SHROOM2: variants seen among roughly 807,000 people sequenced by gnomAD.
SHROOM2 encodes the protein protein Shroom2.
SHROOM2 carries 33 observed loss-of-function variants against 75.9 expected under a neutral mutation model. The observed-to-expected ratio is 0.43, with a 90% CI of 0.33 to 0.58. The LOEUF (loss-of-function observed/expected upper bound fraction) is 0.58, where lower values mean the gene tolerates loss of function less well. SHROOM2 is among the 20% of genes least tolerant of loss of function. The pLI is 0.04. For missense variants in SHROOM2, 1,434 were observed against 1,461.2 expected, an observed-to-expected ratio of 0.98 and a Z score of 0.30; for synonymous variants, 655 against 663.6, an observed-to-expected ratio of 0.99 and a Z score of 0.20.
chrX:9,808,022 C>G (rs2083765231), intron 1 of SHROOM2, among the ~76,000 whole-genome samples: 1 of 111,897 alleles, frequency 8.9e-6, no homozygotes, highest in Admixed American at 9.5e-5. Context: ...AAGCCCAGGC[C>G]TGGCACCGCA....
At chrX:9,899,092 A>G (rs2084351159) in intron 5 of SHROOM2, among the ~76,000 whole-genome samples, 1 of 109,299 alleles carries the variant, frequency 9.1e-6, no homozygotes, top group Admixed American at 9.8e-5. Context: ...AAAAATAGAA[A>G]AAAAAAAATT....
chrX:9,892,922 G>C (rs950764901), intron 3 of SHROOM2, among the ~76,000 whole-genome samples: 3 of 112,049 alleles, frequency 2.7e-5, no homozygotes, highest in African/African-American at 9.7e-5. Context: ...TCACCATTGA[G>C]AGCTCTCAGT....
chrX:9,858,500 T>A (rs2146783341), intron 1 of SHROOM2, among the ~76,000 whole-genome samples: 1 of 112,755 alleles, frequency 8.9e-6, no homozygotes, highest in East Asian at 2.8e-4. Context: ...TGTGATGACT[T>A]GCTTTCAAAA....
intron 1 of SHROOM2, among the ~76,000 whole-genome samples, chrX:9,838,644 A>G (rs918634979): frequency 8.9e-6 from 1 of 111,905 alleles, no homozygotes; most frequent in Non-Finnish European, 1.9e-5. Context: ...CTTCATCCAG[A>G]CACCCGAGTT....
At chrX:9,936,594 G>A (rs1017979003) in intron 6 of SHROOM2, among the ~76,000 whole-genome samples, 1 of 111,349 alleles carries the variant, frequency 9.0e-6, no homozygotes, top group Non-Finnish European at 1.9e-5. Flanking sequence ...TGGCACAGGA[G>A]GTTCTCCCAA....
intron 1 of SHROOM2, among the ~76,000 whole-genome samples, chrX:9,864,912 C>G (rs1269538787): frequency 8.9e-6 from 1 of 111,883 alleles, no homozygotes; most frequent in Non-Finnish European, 1.9e-5. Context: ...TCTTGGGAGG[C>G]TGAGGCAGGA....
chrX:9,865,554 C>CTTTTTTT (rs56790591), intron 1 of SHROOM2: 2 of 42,654 alleles, frequency 4.7e-5, no homozygotes, highest in African/African-American at 2.1e-4. Flanking sequence ...TTCCTGCTGC[C>CTTTTTTT]TTTTTTTTTT....
At chrX:9,828,827 A>G (rs1463520653) in intron 1 of SHROOM2, among the ~76,000 whole-genome samples, 1 of 111,606 alleles carries the variant, frequency 9.0e-6, no homozygotes, top group African/African-American at 3.3e-5. Context: ...ACGAATGGCA[A>G]AGCAACGGTT....
At position 9,786,602 on chromosome X, in the gene SHROOM2, G is replaced by A; in HGVS notation, c.57G>A (p.Arg19=). 3.4e-6 allele frequency: 3 copies of A among 875,010 alleles called. No individual in the cohort carries two copies. The East Asian group carries it at 1.7e-4, about 50-fold the overall frequency. 72.1% of individuals were successfully genotyped at this position (875,010 alleles called of 1,213,427 possible). A position where few individuals can be genotyped will look rare whatever the true frequency, so the allele number is the denominator to read the frequency against. The change falls in exon 1 of 10, where the codon CGG becomes CGA. Residue 19 remains arginine, a synonymous_variant. Transcript: ENST00000380913. ...RPERLAEAET[R]AADGGRLVEV... is the part of the protein sequence containing the mutation. ...AGCGCCTGGCCGAGGCCGAGACGCGGGCGGCGGACGGCGGGCGCCTGGTGG... is the reference window on the plus strand; with the variant it reads ...AGCGCCTGGCCGAGGCCGAGACGCGAGCGGCGGACGGCGGGCGCCTGGTGG...
At position 9,786,429 on chromosome X, in the gene SHROOM2, A is replaced by C; in HGVS notation, c.-117A>C. ...GGGCTCCCTCCGCCGCCGGGCCGGC[A>C]CTTTCTTTCCAAGTTACGGCGCAAG... On this transcript the variant is annotated 5_prime_UTR_variant, in exon 1 of 10. Coordinates refer to ENST00000380913, the MANE Select transcript of SHROOM2 (RefSeq NM_001649.4). 1.8e-6 allele frequency: 1 copy of C among 544,223 alleles called. No homozygotes were observed. Among genetic ancestry groups the C allele is most frequent in the Non-Finnish European group, 2.3e-6 (1 of 441,817 alleles). The allele number at this position is 544,223 out of a possible 1,213,427, so 44.9% of individuals were successfully genotyped here.
chrX:9,907,088 C>G (rs2084396001), intron 5 of SHROOM2, among the ~76,000 whole-genome samples: 1 of 111,305 alleles, frequency 9.0e-6, no homozygotes. Context: ...CCGGACCCAG[C>G]AGCCACAGGG....
intron 6 of SHROOM2, among the ~76,000 whole-genome samples, chrX:9,935,849 G>A (rs190435911): frequency 1.7e-4 from 19 of 111,747 alleles, no homozygotes; most frequent in Admixed American, 2.9e-4. Flanking sequence ...TTGGGGTTGT[G>A]GAGTTTGGCC....
chrX:9,882,608 G>A (rs975175539), intron 2 of SHROOM2, among the ~76,000 whole-genome samples: 1 of 111,712 alleles, frequency 9.0e-6, no homozygotes, highest in Non-Finnish European at 1.9e-5. Context: ...TGTGCCGCTC[G>A]GTTCTGCCTG....
chrX:9,808,182 C>T (rs2083766651), intron 1 of SHROOM2, among the ~76,000 whole-genome samples: 1 of 111,144 alleles, frequency 9.0e-6, no homozygotes, highest in South Asian at 3.8e-4. Flanking sequence ...GCTGTGCAGC[C>T]TGGGAGTTCC....
At chrX:9,871,711 G>C (rs897765899) in intron 1 of SHROOM2, among the ~76,000 whole-genome samples, 1 of 111,999 alleles carries the variant, frequency 8.9e-6, no homozygotes, top group African/African-American at 3.3e-5. Context: ...TCAGATCTAG[G>C]TGGAGATTTC....
chrX:9,828,895 C>T (rs755785122), intron 1 of SHROOM2, among the ~76,000 whole-genome samples: 4 of 112,712 alleles, frequency 3.5e-5, no homozygotes, highest in East Asian at 2.8e-4. Flanking sequence ...AGGACCATAG[C>T]GCTATCTTTG....
chrX:9,941,451 C>A (rs1395797463), intron 8 of SHROOM2, among the ~76,000 whole-genome samples: 2 of 112,404 alleles, frequency 1.8e-5, no homozygotes, highest in Non-Finnish European at 3.8e-5. Flanking sequence ...TCTCAGAAAT[C>A]TTTGAAAGCC....
chrX:9,942,895 C>T (rs1374826291), intron 8 of SHROOM2, among the ~76,000 whole-genome samples: 1 of 111,435 alleles, frequency 9.0e-6, no homozygotes, highest in Admixed American at 9.6e-5. Context: ...GCGTTCCTTC[C>T]CCCTAGGTGT....
chrX:9,925,378 C>G (rs943988312), intron 5 of SHROOM2, among the ~76,000 whole-genome samples: 1 of 112,967 alleles, frequency 8.9e-6, no homozygotes, highest in East Asian at 2.8e-4. Context: ...CCTCACCAGG[C>G]TGAAGGGCAG....
Sources: gnomAD v4.1 joint callset for allele counts (sites outside exome capture counted in the v4.1 genomes callset) on GRCh38, gnomAD v4.1.1 for gene constraint, MANE v1.5 for transcripts, NCBI Gene and HGNC (gene_info 2026-07-23, HGNC 2026-07-21) for gene names.